The following DIAPH2 variants were observed in gnomAD, a reference collection of about 807,000 sequenced individuals.
DIAPH2 encodes the protein diaphanous related formin 2.
A neutral mutation model predicts 92.7 loss-of-function variants in DIAPH2; 35 were observed. The observed-to-expected ratio is 0.38, with a 90% CI of 0.29 to 0.50. The LOEUF (loss-of-function observed/expected upper bound fraction) is 0.50, where lower values mean the gene tolerates loss of function less well. Ranked by LOEUF, DIAPH2 falls within the 20% of genes least tolerant of loss-of-function variation. DIAPH2 has a pLI of 0.94. For synonymous variants in DIAPH2, 301 were observed against 280.4 expected, an observed-to-expected ratio of 1.07 and a Z score of -0.73; for missense variants, 701 against 819.5, an observed-to-expected ratio of 0.86 and a Z score of 1.77.
chrX:96,998,321 T>G (rs2066118772), intron 17 of DIAPH2, among the ~76,000 whole-genome samples: 1 of 111,614 alleles, frequency 9.0e-6, no homozygotes, highest in South Asian at 3.8e-4. Flanking sequence ...CTATTTCATA[T>G]TTTCTGTCAT....
At chrX:97,425,159 T>C (rs939177896) in intron 25 of DIAPH2, among the ~76,000 whole-genome samples, 2 of 111,777 alleles carry the variant, frequency 1.8e-5, no homozygotes, top group Admixed American at 1.9e-4. Context: ...TGTGCTGTTG[T>C]CCTCACCTTC....
At chrX:97,593,611 G>T (rs1220159237) in intron 26 of DIAPH2, among the ~76,000 whole-genome samples, 1 of 111,522 alleles carries the variant, frequency 9.0e-6, no homozygotes, top group Non-Finnish European at 1.9e-5. Context: ...AAGATTGATA[G>T]ATTTAGTTTC....
chrX:96,957,559 G>C (rs1250330046), intron 15 of DIAPH2, among the ~76,000 whole-genome samples: 1 of 111,305 alleles, frequency 9.0e-6, no homozygotes, highest in Non-Finnish European at 1.9e-5. Flanking sequence ...AACCCTATCA[G>C]ATACCAACTT....
chrX:97,291,299 GA>G (rs1389738666), intron 23 of DIAPH2, among the ~76,000 whole-genome samples: 1 of 110,982 alleles, frequency 9.0e-6, no homozygotes, highest in Non-Finnish European at 1.9e-5. Context: ...TGAGGCAGGA[GA>G]ATTGCTTGAA....
At chrX:97,433,250 C>A (rs1257761264) in intron 26 of DIAPH2, among the ~76,000 whole-genome samples, 1 of 110,611 alleles carries the variant, frequency 9.0e-6, no homozygotes, top group Non-Finnish European at 1.9e-5. Flanking sequence ...GTGGCTCATC[C>A]CTATAATCCC....
intron 21 of DIAPH2, among the ~76,000 whole-genome samples, chrX:97,129,433 G>A (rs2067122680): frequency 9.1e-6 from 1 of 110,447 alleles, no homozygotes; most frequent in Admixed American, 9.8e-5. Context: ...CCAGAGTGCT[G>A]GGATTACAGG....
At chrX:97,112,765 CTTTTTTTTTTTTTTTTTTTT>C (rs60721723) in intron 20 of DIAPH2, among the ~76,000 whole-genome samples, 1 of 37,238 alleles carries the variant, frequency 2.7e-5, no homozygotes, top group African/African-American at 1.2e-4. Flanking sequence ...CCCTTTCTTT[CTTTTTTTTTTTTTTTTTTTT>C]TTTTTTTTTT....
intron 26 of DIAPH2, among the ~76,000 whole-genome samples, chrX:97,480,305 T>C (rs2070642035): frequency 9.0e-6 from 1 of 111,574 alleles, no homozygotes; most frequent in South Asian, 3.8e-4. Flanking sequence ...ATGGCTACCA[T>C]AAAAAGCTAG....
intron 9 of DIAPH2, among the ~76,000 whole-genome samples, chrX:96,924,976 A>G (rs746109020): frequency 2.0e-3 from 225 of 110,837 alleles, no homozygotes; most frequent in Middle Eastern, 4.6e-3. Flanking sequence ...TCCTTCACCT[A>G]TGTTTCATTT....
chrX:97,118,306 C>T (rs1278814247), intron 21 of DIAPH2, among the ~76,000 whole-genome samples: 1 of 111,495 alleles, frequency 9.0e-6, no homozygotes, highest in Non-Finnish European at 1.9e-5. Flanking sequence ...TTCTCCTTTC[C>T]CTATGTTTGA....
chrX:97,179,492 A>G (rs2067521975), intron 22 of DIAPH2, among the ~76,000 whole-genome samples: 1 of 110,922 alleles, frequency 9.0e-6, no homozygotes, highest in Admixed American at 9.6e-5. Flanking sequence ...TAGTTTGCTG[A>G]GGATGGTGGC....
chrX:96,852,052 G>T (rs1291853500), intron 4 of DIAPH2, among the ~76,000 whole-genome samples: 1 of 111,772 alleles, frequency 8.9e-6, no homozygotes. Flanking sequence ...TACCTCTCTG[G>T]AAAAGCTCTT....
intron 3 of DIAPH2, among the ~76,000 whole-genome samples, chrX:96,745,094 C>T (rs2064142511): frequency 9.2e-6 from 1 of 109,007 alleles, no homozygotes; most frequent in African/African-American, 3.4e-5. Flanking sequence ...GCAACCTCCA[C>T]CTCCTGGGTT....
At chrX:97,437,761 T>TACAC (rs58161143) in intron 26 of DIAPH2, among the ~76,000 whole-genome samples, 2,770 of 95,684 alleles carry the variant, frequency 0.029, 39 homozygotes, top group African/African-American at 0.041. Flanking sequence ...TACATGATTT[T>TACAC]ACACACACAC....
At chrX:97,257,010 A>C (rs1390812665) in intron 23 of DIAPH2, among the ~76,000 whole-genome samples, 3 of 110,932 alleles carry the variant, frequency 2.7e-5, no homozygotes, top group Non-Finnish European at 5.7e-5. Flanking sequence ...TGAAAAAAAA[A>C]AAAAATACAA....
At chrX:96,840,690 G>A (rs964882111) in intron 4 of DIAPH2, among the ~76,000 whole-genome samples, 8 of 110,553 alleles carry the variant, frequency 7.2e-5, no homozygotes, top group Non-Finnish European at 1.5e-4. Flanking sequence ...CTCACTGCAA[G>A]CTCTGCCTCC....
intron 26 of DIAPH2, among the ~76,000 whole-genome samples, chrX:97,597,235 T>C (rs1051859911): frequency 5.4e-5 from 6 of 111,928 alleles, no homozygotes; most frequent in African/African-American, 1.3e-4. Context: ...CTAGAATAAT[T>C]CTGTTTTGTG....
intron 25 of DIAPH2, among the ~76,000 whole-genome samples, chrX:97,409,276 A>G (rs998201414): frequency 2.7e-5 from 3 of 111,982 alleles, no homozygotes; most frequent in Non-Finnish European, 5.6e-5. Context: ...TTTGTCCACG[A>G]TTAAATAAGT....
chrX:97,523,336 A>G (rs1158382590), intron 26 of DIAPH2, among the ~76,000 whole-genome samples: 3 of 111,709 alleles, frequency 2.7e-5, no homozygotes, highest in African/African-American at 6.5e-5. Context: ...CCTAATATAT[A>G]TAGAAATGAT....
Sources: allele counts gnomAD v4.1 joint callset (sites outside exome capture counted in the v4.1 genomes callset), GRCh38; gene constraint gnomAD v4.1.1; transcripts MANE v1.5; gene names NCBI Gene and HGNC (gene_info 2026-07-23, HGNC 2026-07-21).